The following CHD8 variants were observed in gnomAD, a reference collection of about 807,000 sequenced individuals.
The protein encoded by CHD8 is ATP-dependent chromatin remodeler CHD8.
In CHD8, 31 loss-of-function variants were observed where a neutral mutation model predicts 279.2. That is an observed-to-expected ratio of 0.11 (90% confidence interval 0.08 to 0.15). The LOEUF (loss-of-function observed/expected upper bound fraction) is 0.15, where lower values mean the gene tolerates loss of function less well. Ranked by LOEUF, CHD8 falls within the 10% of genes least tolerant of loss-of-function variation. The pLI, the probability that CHD8 is intolerant of heterozygous loss-of-function variation, is 1.00. For synonymous variants in CHD8, 1,081 were observed against 1,139.6 expected, an observed-to-expected ratio of 0.95 and a Z score of 1.04; for missense variants, 2,146 against 3,230.5, an observed-to-expected ratio of 0.66 and a Z score of 8.14.
chr14:21,409,724 C>T (rs1279409377), intron 11 of CHD8, 127 bp downstream of exon 11: 2 of 811,940 alleles, frequency 2.5e-6, no homozygotes, highest in Admixed American at 2.7e-5. Flanking sequence ...TACATTATAC[C>T]ATTTCTTCGA....
In CHD8 at chr14:21,405,412, T is replaced by G. The variant is rs576742245; in HGVS notation, c.3104A>C (p.Glu1035Ala). The G allele has an allele frequency of 1.2e-6, 2 of 1,600,430 alleles. No individual in the cohort carries two copies. The highest frequency in any genetic ancestry group is 1.7e-5 in the Admixed American group (1 of 57,372). ...GGGTGCCAAGTTTTTTTCAACATCC[T>G]CTTTGAGTCTTCTCAGCATCATTGG... The part of the protein sequence containing the change: ...LKPMMLRRLK[E>A]DVEKNLAPKQ... Residue 1035 changes from glutamate to alanine, a missense_variant, in exon 16 of 38, where the codon GAG becomes GCG. By Grantham distance (107) the Glu-to-Ala change is moderately radical (BLOSUM62 -1). Around this residue, in one of 26 missense-constraint regions of CHD8, gnomAD observed 211 missense variants for 464.7 expected, o/e 0.45. Transcript: ENST00000646647. This position sits in a 1 kb window ranked among gnomAD's most constrained non-coding sequence, Gnocchi z 4.2.
Position 21,441,867 on chromosome 14 carries a change from T to C in CHD8, c.-215-10009A>G, listed in dbSNP as rs185998377. ...TTGCGCCACTGCACTCCAGCCTGGG[T>C]GACAGAGCGAGACTCCACCTCAAAA... On this transcript the variant is annotated intron_variant, in intron 1 of 37. Coordinates refer to ENST00000646647, the MANE Select transcript of CHD8 (RefSeq NM_001170629.2). Among the ~76,000 whole-genome samples, 418 of 150,018 alleles carry C rather than the reference T, an allele frequency of 2.8e-3. 1 individual carries two copies. Among genetic ancestry groups the C allele is most frequent in the Non-Finnish European group, 3.7e-3 (248 of 67,680 alleles).
intron 11 of CHD8, 141 bp downstream of exon 11, chr14:21,409,710 T>C (rs1306849270): frequency 1.5e-6 from 1 of 666,728 alleles, no homozygotes; most frequent in Non-Finnish European, 2.5e-6. Flanking sequence ...ACGTGGGTGA[T>C]GGGTACATTA....
Position 21,428,058 on chromosome 14 carries a change from C to T in CHD8, c.1412G>A (p.Arg471Lys). The change falls in exon 4 of 38, where the codon AGA becomes AAA. Residue 471 changes from arginine (R) to lysine (K), a missense_variant. By Grantham distance (26) the Arg-to-Lys change is conservative. Transcript: ENST00000646647. ...ANRIVAEAIA[R>K]ARARGEQNIP... is the part of the protein sequence containing the mutation. ...GTTCTGCTCACCGCGGGCACGGGCT[C>T]TCGCAATGGCCTCTGCTACAATCCG... The T allele has an allele frequency of 6.2e-7, 1 of 1,614,066 alleles. No individual in the cohort carries two copies. The highest frequency in any genetic ancestry group is 1.1e-5 in the South Asian group (1 of 91,090).
Position 21,403,492 on chromosome 14 carries a change from C to T in CHD8, c.3479G>A (p.Arg1160His), listed in dbSNP as rs1888122923. The T allele has an allele frequency of 6.2e-7, 1 of 1,613,464 alleles. No individual in the cohort carries two copies. Among genetic ancestry groups the T allele is most frequent in the Non-Finnish European group, 8.5e-7 (1 of 1,179,536 alleles). The change falls in exon 17 of 38, where the codon CGC becomes CAC. Residue 1160 changes from arginine to histidine, a missense_variant. Coordinates refer to ENST00000646647, the MANE Select transcript of CHD8 (RefSeq NM_001170629.2). This position sits in a 1 kb window ranked among gnomAD's most constrained non-coding sequence, Gnocchi z 4.3. ...HKVLIFSQMV[R>H]CLDILEDYLI... ...ATAATCCTCTAGGATGTCTAGGCAG[C>T]GCACCATCTGAGAGAAGATCAGAAC...
At chr14:21,391,761 A>G in intron 35 of CHD8, 72 bp downstream of exon 35, 1 of 1,525,184 alleles carries the variant, frequency 6.6e-7, no homozygotes, top group Non-Finnish European at 9.1e-7. Flanking sequence ...CCCCAGTCCC[A>G]CTGCCTTCAT....
rs374081221 is a variant in CHD8, at chr14:21,405,509, C to T, written c.3052-45G>A. On this transcript the variant is annotated intron_variant, in intron 15 of 37. Coordinates refer to ENST00000646647, the MANE Select transcript of CHD8 (RefSeq NM_001170629.2). This position sits in a 1 kb window ranked among gnomAD's most constrained non-coding sequence, Gnocchi z 4.2. Reference sequence around the variant, plus strand: ...GAAAAATAAATCAATAAGATGAGGGCGAACATTCTCACATTATGTAGAAAC... The same window carrying T: ...GAAAAATAAATCAATAAGATGAGGGTGAACATTCTCACATTATGTAGAAAC... 12 of 1,580,480 alleles carry T rather than the reference C, an allele frequency of 7.6e-6. No individual in the cohort carries two copies. The highest frequency in any genetic ancestry group is 3.7e-5 in the Admixed American group (2 of 53,718).
chr14:21,412,744 C>T (rs940280912), intron 10 of CHD8, among the ~76,000 whole-genome samples, 169 bp downstream of exon 10: 5 of 152,108 alleles, frequency 3.3e-5, no homozygotes, highest in Admixed American at 2.6e-4. Context: ...TAGCATCTCT[C>T]CCTACACTCT....
chr14:21,398,195 CA>C (rs1887871193), intron 26 of CHD8: 2 of 247,712 alleles, frequency 8.1e-6, no homozygotes, highest in East Asian at 1.5e-4. Flanking sequence ...GTTGGGATTC[CA>C]GGTGTAAGCC....
intron 1 of CHD8, among the ~76,000 whole-genome samples, chr14:21,433,758 A>G (rs568174752): frequency 2.6e-5 from 4 of 152,184 alleles, no homozygotes; most frequent in African/African-American, 9.6e-5. Flanking sequence ...GATCCATACC[A>G]TCTCCCATTC....
intron 1 of CHD8, among the ~76,000 whole-genome samples, chr14:21,440,698 G>T (rs148766721): frequency 6.6e-6 from 1 of 152,156 alleles, no homozygotes; most frequent in Non-Finnish European, 1.5e-5. Context: ...TGTAAATCGC[G>T]AAGAAGGAAC....
At chr14:21,444,841 T>C (rs962132459) in intron 1 of CHD8, among the ~76,000 whole-genome samples, 2 of 152,200 alleles carry the variant, frequency 1.3e-5, no homozygotes, top group African/African-American at 2.4e-5. Flanking sequence ...CAATTATTAT[T>C]CATTATTTTC....
At chr14:21,452,304 T>C (rs1890275562) in intron 1 of CHD8, among the ~76,000 whole-genome samples, 2 of 150,232 alleles carry the variant, frequency 1.3e-5, no homozygotes, top group South Asian at 4.4e-4. Context: ...CGTGAGCCAC[T>C]GCACCCAGCC....
In CHD8 at chr14:21,386,141, C is replaced by T. The variant is rs1887220621; in HGVS notation, c.7218G>A (p.Leu2406=). The T allele has an allele frequency of 2.6e-6, 4 of 1,552,220 alleles. No homozygotes were observed. The highest frequency in any genetic ancestry group is 3.5e-6 in the Non-Finnish European group (4 of 1,147,398). Residue 2406 remains leucine (L), a synonymous_variant, in exon 38 of 38, where the codon TTG becomes TTA. Coordinates refer to ENST00000646647, the MANE Select transcript of CHD8 (RefSeq NM_001170629.2). ...HHTETVFNRV[L]PGPIAPESSK... is the part of the protein sequence containing the mutation. ...TGCTCTCTGGTGCAATAGGCCCTGG[C>T]AAAACCCGGTTGAACACCGTTTCAG...
chr14:21,431,998 T>A, intron 1 of CHD8, 140 bp from the exon 2 acceptor site: 3 of 627,146 alleles, frequency 4.8e-6, no homozygotes, highest in Non-Finnish European at 8.6e-6. Flanking sequence ...AGGACGGACA[T>A]ACAGCAGAAA....
At chr14:21,410,076 T>C in intron 10 of CHD8, 88 bp from the exon 11 acceptor site, 2 of 1,302,718 alleles carry the variant, frequency 1.5e-6, no homozygotes, top group South Asian at 1.6e-5. Context: ...TAAAATCAGA[T>C]CACAAAGTAT....
Position 21,393,183 on chromosome 14 carries a change from G to A in CHD8, c.6391C>T (p.Pro2131Ser). ...LSLTMSQDGF[P>S]NEDGEQMTPE... is the part of the protein sequence containing the mutation. ...GTCATTTGTTCTCCATCTTCATTTGGGAATCCATCTTGGGACATAGTGAGG... is the reference window on the plus strand; with the variant it reads ...GTCATTTGTTCTCCATCTTCATTTGAGAATCCATCTTGGGACATAGTGAGG... The change falls in exon 33 of 38, where the codon CCA becomes TCA. Residue 2131 changes from proline to serine, a missense_variant. This residue lies in a region of CHD8 where 513 missense variants were observed against 637.6 expected (regional missense o/e 0.80). Coordinates refer to ENST00000646647, the MANE Select transcript of CHD8 (RefSeq NM_001170629.2). 1 of 1,613,892 alleles carries A rather than the reference G, an allele frequency of 6.2e-7. No individual in the cohort carries two copies. Among genetic ancestry groups the A allele is most frequent in the Non-Finnish European group, 8.5e-7 (1 of 1,179,868 alleles).
intron 27 of CHD8, chr14:21,397,145 C>T (rs1156629313): frequency 3.8e-6 from 1 of 261,058 alleles, no homozygotes; most frequent in Admixed American, 4.3e-5. Flanking sequence ...TCTGAGCAGA[C>T]AGGTGGCATA....
chr14:21,394,919 G>T lies in CHD8; in HGVS notation c.5383C>A (p.Gln1795Lys), dbSNP rs745377438. 6.2e-7 allele frequency: 1 copy of T among 1,613,706 alleles called. No individual in the cohort carries two copies. The highest frequency in any genetic ancestry group is 8.5e-7 in the Non-Finnish European group (1 of 1,179,642). Residue 1795 changes from glutamine (Q) to lysine (K), a missense_variant, in exon 30 of 38, where the codon CAA (glutamine) becomes AAA (lysine). Physicochemically the swap from Gln to Lys is moderately conservative, Grantham distance 53. This residue lies in a region of CHD8 where 513 missense variants were observed against 637.6 expected (regional missense o/e 0.80). Coordinates refer to ENST00000646647, the MANE Select transcript of CHD8 (RefSeq NM_001170629.2). Reference protein sequence around the residue: ...KLKEIARREKQQRWTRREQTD... With the variant: ...KLKEIARREKKQRWTRREQTD... ...TTCCCAGCTATATTTTACCGTTGTT[G>T]TTTCTCCCGCCGTGCAATTTCTTTC... is the stretch of plus-strand genomic sequence containing the variant.
Sources: gnomAD v4.1 joint callset for allele counts (sites outside exome capture counted in the v4.1 genomes callset) on GRCh38, gnomAD v4.1.1 for gene constraint, gnomAD v4.1.1 regional missense constraint, Gnocchi (gnomAD v3.1) non-coding constraint, MANE v1.5 for transcripts, NCBI Gene and HGNC (gene_info 2026-07-23, HGNC 2026-07-21) for gene names.